SH3PXD2A: variants seen among roughly 807,000 people sequenced by gnomAD.
The protein encoded by SH3PXD2A is SH3 and PX domains 2A.
SH3PXD2A carries 32 observed loss-of-function variants against 115.2 expected under a neutral mutation model. The observed-to-expected ratio is 0.28, with a 90% CI of 0.21 to 0.37. The LOEUF is 0.37. Ranked by LOEUF, SH3PXD2A falls within the 10% of genes least tolerant of loss-of-function variation. The probability of loss-of-function intolerance (pLI) is 1.00; values close to 1 mark genes in which losing one functional copy is unlikely to be tolerated. For synonymous variants in SH3PXD2A, 610 were observed against 629.1 expected (o/e 0.97, Z 0.45); for missense variants, 1,328 against 1,498.7 (o/e 0.89, Z 1.88).
chr10:103,808,022 C>T (rs569253123), intron 1 of SH3PXD2A, among the ~76,000 whole-genome samples: 1 of 152,206 alleles, frequency 6.6e-6, no homozygotes, highest in East Asian at 1.9e-4. Context: ...CCCCCATGTA[C>T]AAGGTTCTAT....
chr10:103,610,593 A>T (rs1403123124), intron 13 of SH3PXD2A, among the ~76,000 whole-genome samples: 1 of 152,190 alleles, frequency 6.6e-6, no homozygotes, highest in Non-Finnish European at 1.5e-5. Flanking sequence ...CATCTCCCTT[A>T]GCCAGGGCTG....
intron 3 of SH3PXD2A, among the ~76,000 whole-genome samples, chr10:103,740,162 G>A (rs952927615): frequency 8.5e-5 from 13 of 152,260 alleles, no homozygotes; most frequent in African/African-American, 3.1e-4. Flanking sequence ...CTTCATCCTC[G>A]CAACAACCTT....
intron 3 of SH3PXD2A, among the ~76,000 whole-genome samples, chr10:103,765,238 T>C (rs1425080267): frequency 6.6e-6 from 1 of 152,124 alleles, no homozygotes; most frequent in Non-Finnish European, 1.5e-5. Context: ...TACACAAGCC[T>C]TTGCCCTGCG....
chr10:103,618,849 G>T (rs539893786), intron 10 of SH3PXD2A, among the ~76,000 whole-genome samples: 2 of 152,116 alleles, frequency 1.3e-5, no homozygotes, highest in Non-Finnish European at 2.9e-5. Context: ...GGGGGTGGGA[G>T]GCAGCTGCCA....
intron 8 of SH3PXD2A, among the ~76,000 whole-genome samples, chr10:103,629,325 G>C (rs2036744911): frequency 6.6e-6 from 1 of 152,234 alleles, no homozygotes; most frequent in South Asian, 2.1e-4. Context: ...GCAGGTCAGA[G>C]ACTTCTGGAC....
At position 103,598,958 on chromosome 10, in the gene SH3PXD2A, A is replaced by G. The variant is rs1348403376; in HGVS notation, c.*2858T>C. ...ATCCCTGTTCACTGCCCAAATCTACATGCTGTCACCAGATGGCAGCATTCC... is the reference window on the plus strand; with the variant it reads ...ATCCCTGTTCACTGCCCAAATCTACGTGCTGTCACCAGATGGCAGCATTCC... On this transcript the variant is annotated 3_prime_UTR_variant, in exon 15 of 15. Coordinates refer to ENST00000369774, the MANE Select transcript of SH3PXD2A (RefSeq NM_001394015.1). 2.0e-5 allele frequency: 3 copies of G among 152,572 alleles called. No individual in the cohort carries two copies. The highest frequency in any genetic ancestry group is 4.1e-4 in the South Asian group (2 of 4,828). 9.5% of individuals were successfully genotyped at this position (152,572 alleles called of 1,614,324 possible). A position where few individuals can be genotyped will look rare whatever the true frequency, so the allele number is the denominator to read the frequency against.
At chr10:103,825,543 ACTCT>A (rs1211546059) in intron 1 of SH3PXD2A, among the ~76,000 whole-genome samples, 2 of 151,948 alleles carry the variant, frequency 1.3e-5, no homozygotes, top group Admixed American at 1.3e-4. Context: ...AGTTCTAAGC[ACTCT>A]CTCTCCTTCC....
intron 6 of SH3PXD2A, among the ~76,000 whole-genome samples, chr10:103,686,267 C>T (rs1386130561): frequency 6.6e-6 from 1 of 152,242 alleles, no homozygotes; most frequent in African/African-American, 2.4e-5. Flanking sequence ...TTCCACAGGA[C>T]TCCTGGGTTG....
chr10:103,751,803 G>C (rs1221801154), intron 3 of SH3PXD2A, among the ~76,000 whole-genome samples: 3 of 152,164 alleles, frequency 2.0e-5, no homozygotes, highest in African/African-American at 7.2e-5. Flanking sequence ...GAAAGAGAGA[G>C]GGTTTCTCCA....
intron 6 of SH3PXD2A, among the ~76,000 whole-genome samples, chr10:103,672,938 C>T (rs993367575): frequency 6.6e-6 from 1 of 152,172 alleles, no homozygotes; most frequent in Non-Finnish European, 1.5e-5. Context: ...GAAGCCAGGC[C>T]AGGAGAAAAC....
intron 6 of SH3PXD2A, among the ~76,000 whole-genome samples, chr10:103,683,452 C>T (rs989077400): frequency 1.3e-5 from 2 of 152,204 alleles, no homozygotes; most frequent in East Asian, 1.9e-4. Context: ...TGCAGTAAAT[C>T]GAGATTGGGC....
intron 6 of SH3PXD2A, among the ~76,000 whole-genome samples, chr10:103,687,687 C>T (rs77185711): frequency 0.019 from 2,878 of 152,288 alleles, 86 homozygotes; most frequent in African/African-American, 0.065. Context: ...CATGTCCCTG[C>T]CTCTACTTAG....
At chr10:103,851,459 C>CA (rs1049373931) in intron 1 of SH3PXD2A, among the ~76,000 whole-genome samples, 2 of 152,160 alleles carry the variant, frequency 1.3e-5, no homozygotes, top group African/African-American at 4.8e-5. Context: ...GCTCTGTCAC[C>CA]ATGGAACAGG....
At position 103,852,091 on chromosome 10, in the gene SH3PXD2A, A is replaced by C. The variant is rs564927111; in HGVS notation, c.72+3104T>G. Among the ~76,000 whole-genome samples the C allele has an allele frequency of 3.0e-4, 46 of 152,330 alleles. No homozygotes were observed. In the South Asian group the frequency reaches 9.5e-3, roughly 32 times the overall value. ...GTCAGAGGCCAAAGCCAGTTTACCT[A>C]GGGTCTCCCCAGGCACAGCTCAGAA... On this transcript the variant is annotated intron_variant, in intron 1 of 14. Transcript: ENST00000369774.
At chr10:103,745,097 T>C (rs771565061) in intron 3 of SH3PXD2A, among the ~76,000 whole-genome samples, 3 of 152,154 alleles carry the variant, frequency 2.0e-5, no homozygotes, top group African/African-American at 4.8e-5. Flanking sequence ...CAGGAAGAGA[T>C]GTGTTCTCTC....
At chr10:103,810,950 G>GCA (rs1286107994) in intron 1 of SH3PXD2A, among the ~76,000 whole-genome samples, 1 of 4,780 alleles carries the variant, frequency 2.1e-4, no homozygotes, top group African/African-American at 5.2e-4. Context: ...AGGCGCGCGC[G>GCA]CGCACACACA....
At chr10:103,749,628 T>C (rs2038550484) in intron 3 of SH3PXD2A, among the ~76,000 whole-genome samples, 2 of 152,202 alleles carry the variant, frequency 1.3e-5, no homozygotes, top group Non-Finnish European at 2.9e-5. Context: ...GAAGTCAGCC[T>C]CCAAGATGGC....
At position 103,603,103 on chromosome 10, in the gene SH3PXD2A, G is replaced by GGAA. The variant is rs2036245006; in HGVS notation, c.2112_2114dup (p.Ser710dup). 3.1e-6 allele frequency: 5 copies of GGAA among 1,613,012 alleles called. No individual in the cohort carries two copies. In the African/African-American group the frequency reaches 5.3e-5, roughly 17 times the overall value. On this transcript the variant is annotated inframe_insertion, in exon 15 of 15. Coordinates refer to ENST00000369774, the MANE Select transcript of SH3PXD2A (RefSeq NM_001394015.1). The stretch of plus-strand genomic sequence containing the variant: ...TTTTGGACAAGGAAGAGGAGGAGGA[G>GGAA]GAAGAGGAGGAGCAGCAAGTGGTGT...
At chr10:103,616,040 C>T (rs1345832453) in intron 11 of SH3PXD2A, among the ~76,000 whole-genome samples, 1 of 678 alleles carries the variant, frequency 1.5e-3, no homozygotes, top group African/African-American at 5.6e-3. Context: ...GGGGTGGGGG[C>T]GGGGTAGGGG....
Sources: allele counts gnomAD v4.1 joint callset (sites outside exome capture counted in the v4.1 genomes callset), GRCh38; gene constraint gnomAD v4.1.1; transcripts MANE v1.5; gene names NCBI Gene and HGNC (gene_info 2026-07-23, HGNC 2026-07-21).